Variants in CALN1 observed in about 807,000 individuals in gnomAD.
The protein encoded by CALN1 is calneuron 1.
Under a neutral mutation model 30.6 loss-of-function variants are expected in CALN1, and 17 were observed. That is an observed-to-expected ratio of 0.56 (90% CI 0.38 to 0.83). CALN1 has a LOEUF of 0.83. Ranked by LOEUF, CALN1 falls within the 40% of genes least tolerant of loss-of-function variation. CALN1 has a pLI of 0.00. For missense variants in CALN1, 291 were observed against 354.9 expected (o/e 0.82, Z 1.45); for synonymous variants, 156 against 131.4 (o/e 1.19, Z -1.28).
At chr7:72,032,221 G>A (rs1391553722) in intron 4 of CALN1, among the ~76,000 whole-genome samples, 1 of 151,660 alleles carries the variant, frequency 6.6e-6, no homozygotes. Context: ...ACTGCGCCCA[G>A]CTAATTTTTT....
intron 2 of CALN1, among the ~76,000 whole-genome samples, chr7:72,379,516 A>C (rs936303155): frequency 6.6e-6 from 1 of 152,218 alleles, no homozygotes; most frequent in Admixed American, 6.5e-5. Flanking sequence ...TACACTATTC[A>C]TTATGTCGTT....
intron 3 of CALN1, among the ~76,000 whole-genome samples, chr7:72,259,866 C>G (rs1796153985): frequency 6.6e-6 from 1 of 152,202 alleles, no homozygotes; most frequent in Non-Finnish European, 1.5e-5. Context: ...AGGCCCACTT[C>G]TCTCAAATCC....
intron 5 of CALN1, among the ~76,000 whole-genome samples, chr7:71,849,150 A>AAT (rs1346104478): frequency 1.3e-4 from 20 of 152,132 alleles, no homozygotes; most frequent in African/African-American, 4.6e-4. Context: ...TGTGTGTTTA[A>AAT]TCTATGTGTG....
At position 71,788,478 on chromosome 7, in the gene CALN1, G is replaced by GTTTTT. The variant is rs71092906; in HGVS notation, c.659-581_659-577dup. Among the ~76,000 whole-genome samples the GTTTTT allele has an allele frequency of 2.1e-4, 30 of 141,826 alleles. 2 individuals are homozygous for GTTTTT. The highest frequency in any genetic ancestry group is 7.3e-4 in the African/African-American group (27 of 37,148). 93.0% of individuals were successfully genotyped at this position (141,826 alleles called of 152,430 possible). A position where few individuals can be genotyped will look rare whatever the true frequency, so the allele number is the denominator to read the frequency against. Reference sequence around the variant, plus strand: ...CAAGCAGCATCCCCATTACTAAGAGGTTTTTTTTTGTTGTTTTTTTTTTTT... The same window carrying GTTTTT: ...CAAGCAGCATCCCCATTACTAAGAGGTTTTTTTTTTTTTTGTTGTTTTTTTTTTTT... On this transcript the variant is annotated intron_variant, in intron 6 of 6. Coordinates refer to ENST00000395275, the MANE Select transcript of CALN1 (RefSeq NM_031468.4).
At chr7:72,097,887 T>C (rs1370533652) in intron 4 of CALN1, among the ~76,000 whole-genome samples, 2 of 152,038 alleles carry the variant, frequency 1.3e-5, no homozygotes, top group African/African-American at 4.8e-5. Context: ...CTAATTTTTG[T>C]ATTTTTATTA....
At chr7:72,004,414 C>T (rs1179446233) in intron 5 of CALN1, among the ~76,000 whole-genome samples, 1 of 152,042 alleles carries the variant, frequency 6.6e-6, no homozygotes, top group Non-Finnish European at 1.5e-5. Flanking sequence ...AAATGTAAAA[C>T]ATAGAACTAT....
intron 3 of CALN1, among the ~76,000 whole-genome samples, chr7:72,272,939 G>A (rs532629677): frequency 1.6e-4 from 25 of 151,976 alleles, no homozygotes; most frequent in Non-Finnish European, 3.4e-4. Flanking sequence ...ATGACCAAAC[G>A]TACAAGAGTA....
intron 5 of CALN1, among the ~76,000 whole-genome samples, chr7:71,959,723 G>A (rs951465362): frequency 2.0e-5 from 3 of 151,890 alleles, no homozygotes; most frequent in African/African-American, 7.3e-5. Flanking sequence ...AGCACAAGAG[G>A]ACAGTGGTCA....
intron 2 of CALN1, among the ~76,000 whole-genome samples, chr7:72,391,930 T>G (rs1179712982): frequency 6.6e-6 from 1 of 152,198 alleles, no homozygotes; most frequent in Admixed American, 6.5e-5. Context: ...TGTTGAGATG[T>G]GGTGTCTATG....
chr7:72,263,757 C>CTAG (rs1469306566), intron 3 of CALN1, among the ~76,000 whole-genome samples: 1 of 152,154 alleles, frequency 6.6e-6, no homozygotes, highest in East Asian at 1.9e-4. Flanking sequence ...ATCAGAGGAA[C>CTAG]TAGTGTTCAT....
intron 5 of CALN1, among the ~76,000 whole-genome samples, chr7:71,976,348 G>A (rs1422972054): frequency 1.3e-5 from 2 of 152,152 alleles, no homozygotes; most frequent in African/African-American, 4.8e-5. Flanking sequence ...CCCTTCCTTT[G>A]TGGAGCTAGG....
At chr7:72,293,365 CT>C in intron 2 of CALN1, among the ~76,000 whole-genome samples, 2 of 152,274 alleles carry the variant, frequency 1.3e-5, no homozygotes, top group Non-Finnish European at 2.9e-5. Context: ...GATGGAAAGG[CT>C]TTGCTCTGCC....
chr7:72,146,202 T>C (rs1036045333), intron 3 of CALN1, among the ~76,000 whole-genome samples: 2 of 152,204 alleles, frequency 1.3e-5, no homozygotes, highest in African/African-American at 4.8e-5. Context: ...GCAGATGACA[T>C]GATTGTATAT....
chr7:72,149,771 T>C (rs1787075584), intron 3 of CALN1, among the ~76,000 whole-genome samples: 1 of 152,110 alleles, frequency 6.6e-6, no homozygotes, highest in Non-Finnish European at 1.5e-5. Context: ...GATTGGCTTC[T>C]TGCACATGGG....
intron 2 of CALN1, among the ~76,000 whole-genome samples, chr7:72,342,279 A>C (rs185923731): frequency 1.4e-5 from 2 of 146,782 alleles, no homozygotes; most frequent in Non-Finnish European, 3.0e-5. Context: ...AAAAAAAATC[A>C]GAAACACAAA....
intron 2 of CALN1, among the ~76,000 whole-genome samples, chr7:72,399,248 G>A (rs919943712): frequency 6.6e-6 from 1 of 150,772 alleles, no homozygotes; most frequent in Non-Finnish European, 1.5e-5. Flanking sequence ...ACAGTCCCCA[G>A]CCGGTTTTGT....
At chr7:72,116,931 C>T (rs908529561) in intron 3 of CALN1, among the ~76,000 whole-genome samples, 10 of 152,028 alleles carry the variant, frequency 6.6e-5, no homozygotes, top group African/African-American at 2.2e-4. Flanking sequence ...GAATTATAAG[C>T]GAAGACATAA....
At chr7:72,262,890 G>T (rs1276402254) in intron 3 of CALN1, among the ~76,000 whole-genome samples, 1 of 152,220 alleles carries the variant, frequency 6.6e-6, no homozygotes, top group Non-Finnish European at 1.5e-5. Context: ...TTGAAGTGGG[G>T]GAGTAGGAAA....
At chr7:72,319,677 A>G (rs1020619349) in intron 2 of CALN1, among the ~76,000 whole-genome samples, 3 of 152,260 alleles carry the variant, frequency 2.0e-5, no homozygotes, top group African/African-American at 7.2e-5. Context: ...AGCTATGCAC[A>G]ATATACTATG....
Sources: allele counts gnomAD v4.1 joint callset (sites outside exome capture counted in the v4.1 genomes callset), GRCh38; gene constraint gnomAD v4.1.1; transcripts MANE v1.5; gene names NCBI Gene and HGNC (gene_info 2026-07-23, HGNC 2026-07-21).